MALRD1: variants seen among roughly 807,000 people sequenced by gnomAD.
The protein encoded by MALRD1 is MAM and LDL-receptor class A domain-containing protein 1.
A neutral mutation model predicts 242.1 loss-of-function variants in MALRD1; 247 were observed. The observed-to-expected ratio is 1.02, with a 90% CI of 0.92 to 1.13. MALRD1 has a LOEUF of 1.13. MALRD1 is among the 50% of genes most tolerant of loss of function. MALRD1 has a pLI of 0.00. For synonymous variants in MALRD1, 995 were observed against 866.6 expected, an observed-to-expected ratio of 1.15 and a Z score of -2.60; for missense variants, 2,989 against 2,533.1, an observed-to-expected ratio of 1.18 and a Z score of -3.86.
chr10:19,172,640 G>C (rs1357887996), intron 13 of MALRD1, among the ~76,000 whole-genome samples: 2 of 151,414 alleles, frequency 1.3e-5, no homozygotes, highest in Non-Finnish European at 2.9e-5. Context: ...CTCTTTAGGA[G>C]CATAGAGAAG....
intron 18 of MALRD1, among the ~76,000 whole-genome samples, chr10:19,239,291 C>A (rs996221190): frequency 6.6e-6 from 1 of 152,022 alleles, no homozygotes; most frequent in Non-Finnish European, 1.5e-5. Context: ...AACTCCTGAC[C>A]TCAGGCAATC....
At chr10:19,297,593 A>C (rs1479480139) in intron 21 of MALRD1, among the ~76,000 whole-genome samples, 2 of 151,916 alleles carry the variant, frequency 1.3e-5, no homozygotes, top group Admixed American at 6.6e-5. Flanking sequence ...TGTATAAACT[A>C]TATTTATAGC....
chr10:19,548,375 G>A (rs2131398682), intron 32 of MALRD1, among the ~76,000 whole-genome samples: 1 of 151,980 alleles, frequency 6.6e-6, no homozygotes, highest in Non-Finnish European at 1.5e-5. Context: ...TTTAATTGCT[G>A]TGCCTTTTTT....
chr10:19,702,795 A>G (rs1018790097), intron 38 of MALRD1, among the ~76,000 whole-genome samples: 1 of 152,154 alleles, frequency 6.6e-6, no homozygotes, highest in East Asian at 1.9e-4. Context: ...GATACACAGA[A>G]CTTCATGTAA....
intron 34 of MALRD1, 93 bp downstream of exon 34, chr10:19,595,550 G>A: frequency 1.5e-6 from 2 of 1,330,026 alleles, no homozygotes; most frequent in Non-Finnish European, 1.0e-6. Flanking sequence ...GTTCTCTAGA[G>A]CCTTACCGTG....
intron 24 of MALRD1, among the ~76,000 whole-genome samples, chr10:19,343,397 A>C (rs995167198): frequency 3.3e-5 from 5 of 152,014 alleles, no homozygotes; most frequent in African/African-American, 9.7e-5. Context: ...AGTCTGCAGC[A>C]TTTCATTACA....
At chr10:19,417,009 C>A (rs1368557918) in intron 28 of MALRD1, among the ~76,000 whole-genome samples, 1 of 152,202 alleles carries the variant, frequency 6.6e-6, no homozygotes, top group Admixed American at 6.6e-5. Flanking sequence ...TCACATTCAA[C>A]AACTATGGCC....
intron 4 of MALRD1, among the ~76,000 whole-genome samples, chr10:19,099,771 T>TTTA (rs397846635): frequency 3.4e-5 from 5 of 149,104 alleles, no homozygotes; most frequent in African/African-American, 1.2e-4. Flanking sequence ...ATATTTTTTT[T>TTTA]AATTTTTTTT....
chr10:19,186,748 A>G (rs1368613767), intron 14 of MALRD1, among the ~76,000 whole-genome samples: 1 of 152,140 alleles, frequency 6.6e-6, no homozygotes, highest in African/African-American at 2.4e-5. Context: ...CACTCTTAAA[A>G]TTGTGTTAGA....
chr10:19,302,444 A>G (rs776910473), intron 21 of MALRD1, among the ~76,000 whole-genome samples: 18 of 151,854 alleles, frequency 1.2e-4, no homozygotes, highest in Non-Finnish European at 2.4e-4. Flanking sequence ...AGGAAATGCT[A>G]TTCAGCTGTA....
chr10:19,242,415 C>A (rs1260296164), intron 18 of MALRD1, among the ~76,000 whole-genome samples: 1 of 152,094 alleles, frequency 6.6e-6, no homozygotes, highest in Non-Finnish European at 1.5e-5. Flanking sequence ...CAGGTGAGAT[C>A]TTCTTTACCT....
At chr10:19,065,337 C>A (rs942170577) in intron 1 of MALRD1, among the ~76,000 whole-genome samples, 3 of 140,388 alleles carry the variant, frequency 2.1e-5, no homozygotes, top group African/African-American at 8.2e-5. Context: ...AGAAAGCAAG[C>A]GAGAAAGAAA....
At chr10:19,128,707 A>T (rs1194151448) in intron 8 of MALRD1, among the ~76,000 whole-genome samples, 1 of 152,162 alleles carries the variant, frequency 6.6e-6, no homozygotes, top group African/African-American at 2.4e-5. Context: ...CTCTGATGTG[A>T]TCTGTTTTGG....
At chr10:19,400,944 A>G (rs1328585333) in intron 28 of MALRD1, among the ~76,000 whole-genome samples, 1 of 152,160 alleles carries the variant, frequency 6.6e-6, no homozygotes, top group Non-Finnish European at 1.5e-5. Flanking sequence ...TGAACCCAAA[A>G]GGTGGAGGTT....
intron 1 of MALRD1, among the ~76,000 whole-genome samples, chr10:19,061,220 G>A (rs1001126388): frequency 2.6e-5 from 4 of 152,116 alleles, no homozygotes; most frequent in East Asian, 3.9e-4. Context: ...AAACCAGCAC[G>A]AGACTAAAGA....
chr10:19,231,506 C>T (rs544775403), intron 18 of MALRD1, among the ~76,000 whole-genome samples: 17 of 152,270 alleles, frequency 1.1e-4, no homozygotes, highest in South Asian at 2.1e-4. Flanking sequence ...ATGTCAAGGA[C>T]GGAGTCAGGT....
intron 13 of MALRD1, among the ~76,000 whole-genome samples, chr10:19,170,802 T>C (rs1834889306): frequency 6.6e-6 from 1 of 152,168 alleles, no homozygotes; most frequent in Admixed American, 6.6e-5. Context: ...TCTAATCTTC[T>C]GTTTCTTTCA....
At chr10:19,368,623 G>C (rs1443724571) in intron 26 of MALRD1, among the ~76,000 whole-genome samples, 1 of 151,774 alleles carries the variant, frequency 6.6e-6, no homozygotes, top group Non-Finnish European at 1.5e-5. Flanking sequence ...TGCCATATCA[G>C]TATTAAGGTT....
intron 31 of MALRD1, among the ~76,000 whole-genome samples, chr10:19,525,626 G>A (rs1834069100): frequency 6.6e-6 from 1 of 152,126 alleles, no homozygotes; most frequent in Non-Finnish European, 1.5e-5. Flanking sequence ...TAATTAAGAT[G>A]CAAAATGTAA....
Sources: gnomAD v4.1 joint callset for allele counts (sites outside exome capture counted in the v4.1 genomes callset) on GRCh38, gnomAD v4.1.1 for gene constraint, MANE v1.5 for transcripts, NCBI Gene and HGNC (gene_info 2026-07-23, HGNC 2026-07-21) for gene names.